KDM1B: variants seen among roughly 807,000 people sequenced by gnomAD.
KDM1B encodes lysine-specific histone demethylase 2.
In KDM1B, 63 loss-of-function variants were observed where a neutral mutation model predicts 107.4. The observed-to-expected ratio is 0.59, with a 90% confidence interval of 0.48 to 0.72. The LOEUF is 0.72. Ranked by LOEUF, KDM1B falls within the 30% of genes least tolerant of loss-of-function variation. KDM1B has a pLI of 0.00. For synonymous variants in KDM1B, 363 were observed against 363.9 expected (o/e 1.00, Z 0.03); for missense variants, 749 against 1,020.8 (o/e 0.73, Z 3.63).
In KDM1B at chr6:18,212,263, C is replaced by T. The variant is rs35937309; in HGVS notation, c.1867-225C>T. 0.031 allele frequency: 16,692 copies of T among 542,268 alleles called. 391 individuals carry two copies. The highest frequency in any genetic ancestry group is 0.043 in the Middle Eastern group (85 of 1,968). The allele number at this position is 542,268 out of a possible 1,614,324, so 33.6% of individuals were successfully genotyped here. On this transcript the variant is annotated intron_variant, in intron 17 of 21. Coordinates refer to ENST00000650836, the MANE Select transcript of KDM1B (RefSeq NM_001364614.2). This position sits in a 1 kb window ranked among gnomAD's most constrained non-coding sequence, Gnocchi z 5.2. ...CCTGGCCTCTGCTGACTCTTCTTAT[C>T]TAAGATGATTATTCACCATCAGGAC...
chr6:18,170,427 G>T (rs1322410303), intron 6 of KDM1B, among the ~76,000 whole-genome samples: 1 of 151,824 alleles, frequency 6.6e-6, no homozygotes, highest in African/African-American at 2.4e-5. Flanking sequence ...ATACCACATT[G>T]CATTTAGTAT....
intron 10 of KDM1B, 107 bp from the exon 11 acceptor site, chr6:18,196,950 T>G (rs1440933103): frequency 4.7e-6 from 5 of 1,058,396 alleles, no homozygotes; most frequent in African/African-American, 1.6e-5. Context: ...TTGAGAAATG[T>G]TGATTCAGAT....
rs559268289 is a variant in KDM1B at position 18,202,716 on chromosome 6, T to A, written c.1531+1059T>A. Reference sequence around the variant, plus strand: ...GAGCTCTCAATTCTTCAGGCTGATATACAGTTCATCTCTGTTTGGGGTAAA... The same window carrying A: ...GAGCTCTCAATTCTTCAGGCTGATAAACAGTTCATCTCTGTTTGGGGTAAA... On this transcript the variant is annotated intron_variant, in intron 14 of 21. Coordinates refer to ENST00000650836, the MANE Select transcript of KDM1B (RefSeq NM_001364614.2). 1.2e-3 allele frequency among the ~76,000 whole-genome samples: 190 copies of A among 152,236 alleles called. 1 individual carries two copies. The highest frequency in any genetic ancestry group is 2.3e-3 in the Non-Finnish European group (154 of 68,052).
intron 10 of KDM1B, among the ~76,000 whole-genome samples, chr6:18,192,534 G>GC (rs1482042629): frequency 6.6e-6 from 1 of 152,144 alleles, no homozygotes; most frequent in Admixed American, 6.5e-5. Context: ...AGTAGGCTGT[G>GC]CAACTTATTT....
chr6:18,181,783 G>GA (rs1327534453), intron 7 of KDM1B, among the ~76,000 whole-genome samples: 3 of 151,794 alleles, frequency 2.0e-5, no homozygotes, highest in African/African-American at 7.3e-5. Flanking sequence ...ACTCTAACTT[G>GA]AAAAAATAAA....
Position 18,201,608 on chromosome 6 carries a change from C to T in KDM1B, c.1482C>T (p.Val494=), listed in dbSNP as rs553059836. Residue 494 remains valine, a synonymous_variant, in exon 14 of 22, where the codon GTC becomes GTT. Coordinates refer to ENST00000650836, the MANE Select transcript of KDM1B (RefSeq NM_001364614.2). The surrounding 1 kb of genome is among the most constrained non-coding windows in gnomAD (Gnocchi z 4.3). ...ATTTTAATGCTCTCTTGGATGTTGT[C>T]TCTGAGTGGAGAAAGGATAAGACTC... ...DFHFNALLDV[V]SEWRKDKTQL... 4.9e-5 allele frequency: 76 copies of T among 1,550,814 alleles called. 3 individuals carry two copies. The South Asian group carries it at 8.7e-4, about 18-fold the overall frequency.
rs371261785 is a variant in KDM1B at position 18,201,138 on chromosome 6, TG to T, written c.1360-347del. On this transcript the variant is annotated intron_variant, in intron 13 of 21. Transcript: ENST00000650836. This position sits in a 1 kb window ranked among gnomAD's most constrained non-coding sequence, Gnocchi z 4.3. ...TTTCAACTTCTGCTATGAGTGTTTGTGTGTTTGTGTGTTCATTTACATGAGG... is the reference window on the plus strand; with the variant it reads ...TTTCAACTTCTGCTATGAGTGTTTGTTGTTTGTGTGTTCATTTACATGAGG... 4.9e-3 allele frequency among the ~76,000 whole-genome samples: 747 copies of T among 152,290 alleles called. 7 individuals are homozygous for T. Among genetic ancestry groups the T allele is most frequent in the African/African-American group, 0.017 (693 of 41,568 alleles).
At position 18,209,934 on chromosome 6, in the gene KDM1B, C is replaced by A. The variant is rs1187356013; in HGVS notation, c.1866+1728C>A. Among the ~76,000 whole-genome samples the A allele has an allele frequency of 2.6e-5, 4 of 152,116 alleles. No homozygotes were observed. The highest frequency in any genetic ancestry group is 5.9e-5 in the Non-Finnish European group (4 of 68,014). Reference sequence around the variant, plus strand: ...AATTGCAAGTCACCCGACAGTTCAGCCTCTGCTGTTCTGTAGCTCCACTTC... The same window carrying A: ...AATTGCAAGTCACCCGACAGTTCAGACTCTGCTGTTCTGTAGCTCCACTTC... On this transcript the variant is annotated intron_variant, in intron 17 of 21. Transcript: ENST00000650836. This position sits in a 1 kb window ranked among gnomAD's most constrained non-coding sequence, Gnocchi z 4.3.
intron 16 of KDM1B, 64 bp downstream of exon 16, chr6:18,207,593 A>T: frequency 6.3e-7 from 1 of 1,599,976 alleles, no homozygotes; most frequent in Non-Finnish European, 8.6e-7. Context: ...AGTTCTGGGC[A>T]TGCGGCTCAC....
At chr6:18,210,342 CT>C (rs533016543) in intron 17 of KDM1B, among the ~76,000 whole-genome samples, 262 of 69,840 alleles carry the variant, frequency 3.8e-3, no homozygotes, top group African/African-American at 0.013. Context: ...TCTTTCTTTT[CT>C]TTTTTTTTTT....
At position 18,187,990 on chromosome 6, in the gene KDM1B, C is replaced by T. The variant is rs1340268162; in HGVS notation, c.772C>T (p.Leu258Phe). The change falls in exon 9 of 22, where the codon CTC (leucine) becomes TTC (phenylalanine). Residue 258 changes from leucine to phenylalanine, a missense_variant. By Grantham distance (22) the Leu-to-Phe change is conservative (BLOSUM62 0). Coordinates refer to ENST00000650836, the MANE Select transcript of KDM1B (RefSeq NM_001364614.2). ...PGKLEHSKAA[L>F]SVHVPGMNRY... ...GAAGCTGGAGCACTCCAAGGCTGCC[C>T]TCTCCGTGCACGGTGAGAGCCATTC... is the stretch of plus-strand genomic sequence containing the variant. 1 of 1,550,420 alleles carries T rather than the reference C, an allele frequency of 6.4e-7. No homozygotes were observed. The highest frequency in any genetic ancestry group is 8.7e-7 in the Non-Finnish European group (1 of 1,146,960).
chr6:18,164,666 C>T (rs1007536532), intron 5 of KDM1B, among the ~76,000 whole-genome samples: 3 of 151,780 alleles, frequency 2.0e-5, no homozygotes, highest in Non-Finnish European at 2.9e-5. Context: ...GGTTTCTTTT[C>T]TTTTCTTTTG....
intron 9 of KDM1B, among the ~76,000 whole-genome samples, chr6:18,189,906 G>A (rs1787158219): frequency 6.6e-6 from 1 of 152,078 alleles, no homozygotes; most frequent in Non-Finnish European, 1.5e-5. Context: ...AGCACTTTGG[G>A]AGGCCGAGAC....
chr6:18,194,137 A>G (rs1210545678), intron 10 of KDM1B, among the ~76,000 whole-genome samples: 1 of 151,916 alleles, frequency 6.6e-6, no homozygotes, highest in Non-Finnish European at 1.5e-5. Context: ...TCAGCCTCCC[A>G]AAGTGCTGGG....
At chr6:18,174,671 C>T (rs1785878101) in intron 7 of KDM1B, among the ~76,000 whole-genome samples, 1 of 151,548 alleles carries the variant, frequency 6.6e-6, no homozygotes, top group African/African-American at 2.4e-5. Context: ...CCTTTGTGTC[C>T]TCATAGCTTA....
rs1438338554 is a variant in KDM1B, at chr6:18,214,604, T to A, written c.2110-403T>A. Among the ~76,000 whole-genome samples, 1 of 152,138 alleles carries A rather than the reference T, an allele frequency of 6.6e-6. No homozygotes were observed. Among genetic ancestry groups the A allele is most frequent in the East Asian group, 1.9e-4 (1 of 5,186 alleles). ...AAGGGACAGCCAGAAATAGTGACAT[T>A]TAACTTGTGAGAGTGAGGCTCTTGG... On this transcript the variant is annotated intron_variant, in intron 19 of 21. Coordinates refer to ENST00000650836, the MANE Select transcript of KDM1B (RefSeq NM_001364614.2). This position sits in a 1 kb window ranked among gnomAD's most constrained non-coding sequence, Gnocchi z 4.4.
intron 17 of KDM1B, among the ~76,000 whole-genome samples, chr6:18,208,599 G>GTGTGTGTGTATATATATATATA (rs1561949321): frequency 2.5e-5 from 1 of 40,692 alleles, no homozygotes; most frequent in Non-Finnish European, 4.2e-5. Flanking sequence ...AGAAGTATGT[G>GTGTGTGTGTATATATATATATA]TATGTATATA....
At position 18,157,808 on chromosome 6, in the gene KDM1B, C is replaced by CTTTTTT. The variant is rs67631382; in HGVS notation, c.-14+1899_-14+1904dup. Among the ~76,000 whole-genome samples the CTTTTTT allele has an allele frequency of 2.1e-4, 24 of 115,620 alleles. 1 individual carries two copies. Among genetic ancestry groups the CTTTTTT allele is most frequent in the East Asian group, 5.7e-4 (2 of 3,502 alleles). 75.9% of individuals were successfully genotyped at this position (115,620 alleles called of 152,430 possible). On this transcript the variant is annotated intron_variant, in intron 2 of 21. Transcript: ENST00000650836. ...GTATAACAATTATAGGTAGATAGTCCTTTTTTTTTTTTTTTTTTTTTTGAG... is the reference window on the plus strand; with the variant it reads ...GTATAACAATTATAGGTAGATAGTCCTTTTTTTTTTTTTTTTTTTTTTTTTTTTGAG...
chr6:18,198,842 T>C (rs968294622), intron 12 of KDM1B, among the ~76,000 whole-genome samples: 2 of 150,560 alleles, frequency 1.3e-5, no homozygotes. Context: ...GGCTAGTCTT[T>C]AATGTTCAGC....
Sources: gnomAD v4.1 joint callset for allele counts (sites outside exome capture counted in the v4.1 genomes callset) on GRCh38, gnomAD v4.1.1 for gene constraint, Gnocchi (gnomAD v3.1) non-coding constraint, MANE v1.5 for transcripts, NCBI Gene and HGNC (gene_info 2026-07-23, HGNC 2026-07-21) for gene names.